ST6GALNAC5: variants seen among roughly 807,000 people sequenced by gnomAD.
ST6GALNAC5 encodes the protein ST6 N-acetylgalactosaminide alpha-2,6-sialyltransferase 5.
A neutral mutation model predicts 33.6 loss-of-function variants in ST6GALNAC5; 27 were observed. That is an observed-to-expected ratio of 0.80 (90% CI 0.59 to 1.11). The LOEUF is 1.11. Among genes scored for constraint, ST6GALNAC5 ranks in the 50% least tolerant of loss-of-function variants. The probability of loss-of-function intolerance (pLI) is 0.00; values close to 1 mark genes in which losing one functional copy is unlikely to be tolerated. For synonymous variants in ST6GALNAC5, 194 were observed against 171.2 expected, an observed-to-expected ratio of 1.13 and a Z score of -1.04; for missense variants, 428 against 454.0, an observed-to-expected ratio of 0.94 and a Z score of 0.52.
chr1:76,966,451 A>G (rs1407415219), intron 2 of ST6GALNAC5, among the ~76,000 whole-genome samples: 2 of 152,224 alleles, frequency 1.3e-5, no homozygotes, highest in African/African-American at 2.4e-5. Context: ...TTGATTTTGT[A>G]TCTTGAGACT....
intron 2 of ST6GALNAC5, among the ~76,000 whole-genome samples, chr1:76,918,170 T>C (rs1386953219): frequency 2.0e-5 from 3 of 151,996 alleles, no homozygotes; most frequent in African/African-American, 4.8e-5. Context: ...GAAAATAGAG[T>C]TGGAGAAGAG....
At position 77,063,092 on chromosome 1, in the gene ST6GALNAC5, A is replaced by G; in HGVS notation, c.897A>G (p.Thr299=). ...AGGGCAGTCATCACCGCTTTATCAC[A>G]GAGAAACGAGTCTTTAAGAACTGGG... is the stretch of plus-strand genomic sequence containing the variant. ...GRKGSHHRFI[T]EKRVFKNWAR... Residue 299 remains threonine, a synonymous_variant, in exon 5 of 5, where the codon ACA becomes ACG. Coordinates refer to ENST00000477717, the MANE Select transcript of ST6GALNAC5 (RefSeq NM_030965.3). 1 of 1,613,958 alleles carries G rather than the reference A, an allele frequency of 6.2e-7. No homozygotes were observed. Among genetic ancestry groups the G allele is most frequent in the East Asian group, 2.2e-5 (1 of 44,874 alleles).
chr1:77,009,135 G>A (rs1365723427), intron 2 of ST6GALNAC5, among the ~76,000 whole-genome samples: 1 of 152,164 alleles, frequency 6.6e-6, no homozygotes, highest in Non-Finnish European at 1.5e-5. Context: ...TCACACACTA[G>A]CACCTTACCT....
rs546360140 is a variant in ST6GALNAC5 at position 77,044,512 on chromosome 1, T to G, written c.570T>G (p.His190Gln). Residue 190 changes from histidine to glutamine, a missense_variant, in exon 3 of 5, where the codon CAT becomes CAG. His to Gln is a conservative substitution (Grantham distance 24). Transcript: ENST00000477717. The stretch of plus-strand genomic sequence containing the variant: ...AGGGCCAGGTCTACAACAACCTGCA[T>G]CTCCTGAGCCAGGTGCTGCCCCGGC... The part of the protein sequence containing the change: ...DGKGQVYNNL[H>Q]LLSQVLPRLK... 1 of 1,612,482 alleles carries G rather than the reference T, an allele frequency of 6.2e-7. No individual in the cohort carries two copies. The highest frequency in any genetic ancestry group is 1.1e-5 in the South Asian group (1 of 90,906).
At chr1:76,920,159 G>A (rs906342918) in intron 2 of ST6GALNAC5, among the ~76,000 whole-genome samples, 2 of 152,090 alleles carry the variant, frequency 1.3e-5, no homozygotes, top group Non-Finnish European at 2.9e-5. Flanking sequence ...GTCCAGGGAA[G>A]GAAAGTGAAG....
intron 2 of ST6GALNAC5, among the ~76,000 whole-genome samples, chr1:76,899,282 G>T (rs1646790524): frequency 6.6e-6 from 1 of 151,846 alleles, no homozygotes. Context: ...AGTGAAGGAG[G>T]CAAGCCCAGA....
intron 2 of ST6GALNAC5, among the ~76,000 whole-genome samples, chr1:77,033,910 C>T (rs1443093632): frequency 6.6e-6 from 1 of 152,068 alleles, no homozygotes; most frequent in African/African-American, 2.4e-5. Context: ...GTGGTGTGAG[C>T]TATGCTTTGA....
intron 2 of ST6GALNAC5, among the ~76,000 whole-genome samples, chr1:76,998,264 G>C (rs959992956): frequency 6.6e-6 from 1 of 152,036 alleles, no homozygotes; most frequent in Non-Finnish European, 1.5e-5. Flanking sequence ...AGACATGATG[G>C]CATGCTCCTG....
intron 2 of ST6GALNAC5, among the ~76,000 whole-genome samples, chr1:76,907,824 C>T (rs17099702): frequency 0.013 from 2,042 of 152,222 alleles, 46 homozygotes; most frequent in African/African-American, 0.046. Context: ...ACATCCTTAG[C>T]TCACTTTGGT....
intron 2 of ST6GALNAC5, among the ~76,000 whole-genome samples, chr1:76,883,551 G>A (rs762997692): frequency 1.8e-4 from 27 of 152,262 alleles, no homozygotes; most frequent in Non-Finnish European, 3.4e-4. Context: ...TTTAATTTCT[G>A]TTTCCCCTTT....
chr1:77,015,102 G>A (rs187498263), intron 2 of ST6GALNAC5, among the ~76,000 whole-genome samples: 16 of 149,140 alleles, frequency 1.1e-4, no homozygotes, highest in Non-Finnish European at 1.8e-4. Flanking sequence ...GCTTTATTAT[G>A]AGAAGTTGGC....
chr1:76,966,408 T>C (rs1035198848), intron 2 of ST6GALNAC5, among the ~76,000 whole-genome samples: 15 of 152,138 alleles, frequency 9.9e-5, no homozygotes, highest in African/African-American at 2.9e-4. Context: ...CTGTCTGTTA[T>C]TGGTATTTAG....
intron 4 of ST6GALNAC5, among the ~76,000 whole-genome samples, chr1:77,061,759 A>G (rs1652581859): frequency 6.6e-6 from 1 of 152,180 alleles, no homozygotes; most frequent in Non-Finnish European, 1.5e-5. Flanking sequence ...GTAAATATTT[A>G]TTAACCCTCA....
rs1406041912 is a variant in ST6GALNAC5, at chr1:77,064,143, A to G, written c.*937A>G. Reference sequence around the variant, plus strand: ...GTTTCCTTTTTGGCAGAATGATGTCACTGTACCAGACAACCTCTTAGGTTT... The same window carrying G: ...GTTTCCTTTTTGGCAGAATGATGTCGCTGTACCAGACAACCTCTTAGGTTT... On this transcript the variant is annotated 3_prime_UTR_variant, in exon 5 of 5. Transcript: ENST00000477717. 6.6e-6 allele frequency: 1 copy of G among 152,170 alleles called. No homozygotes were observed. Among genetic ancestry groups the G allele is most frequent in the Non-Finnish European group, 1.5e-5 (1 of 68,036 alleles). 9.4% of individuals were successfully genotyped at this position (152,170 alleles called of 1,614,324 possible). A position where few individuals can be genotyped will look rare whatever the true frequency, so the allele number is the denominator to read the frequency against.
chr1:77,044,331 G>A lies in ST6GALNAC5; in HGVS notation c.389G>A (p.Gly130Asp), dbSNP rs200892928. 6 of 1,613,986 alleles carry A rather than the reference G, an allele frequency of 3.7e-6. No individual in the cohort carries two copies. Among genetic ancestry groups the A allele is most frequent in the Non-Finnish European group, 5.1e-6 (6 of 1,180,034 alleles). ...VIRMNDAPTRGYGRDVGNRTS... is the reference protein window; with the variant it reads ...VIRMNDAPTRDYGRDVGNRTS... ...CGCATGAATGACGCCCCCACACGCG[G>A]CTATGGGCGTGACGTGGGCAATCGC... The change falls in exon 3 of 5, where the codon GGC becomes GAC. Residue 130 changes from glycine (G) to aspartate (D), a missense_variant. By Grantham distance (94) the Gly-to-Asp change is moderately conservative. Transcript: ENST00000477717.
intron 2 of ST6GALNAC5, among the ~76,000 whole-genome samples, chr1:76,887,874 A>T (rs1281294656): frequency 6.6e-6 from 1 of 151,666 alleles, no homozygotes; most frequent in Non-Finnish European, 1.5e-5. Flanking sequence ...TCCTCCTAAG[A>T]TTTTTTTTCA....
intron 2 of ST6GALNAC5, among the ~76,000 whole-genome samples, chr1:76,982,094 G>A (rs1397509165): frequency 1.3e-5 from 2 of 152,164 alleles, no homozygotes; most frequent in Non-Finnish European, 2.9e-5. Flanking sequence ...GAAAATCAGA[G>A]CACCTCTTCT....
chr1:76,877,446 A>G (rs1003915518), intron 2 of ST6GALNAC5, among the ~76,000 whole-genome samples: 2 of 152,166 alleles, frequency 1.3e-5, no homozygotes, highest in Admixed American at 6.5e-5. Flanking sequence ...CAAATGAGGA[A>G]TGTGTTGCCT....
intron 2 of ST6GALNAC5, among the ~76,000 whole-genome samples, chr1:76,925,079 C>T (rs563439049): frequency 6.6e-5 from 10 of 152,110 alleles, no homozygotes; most frequent in East Asian, 5.8e-4. Context: ...GGGCATCACA[C>T]GGCAAGAGCA....
Sources: allele counts gnomAD v4.1 joint callset (sites outside exome capture counted in the v4.1 genomes callset), GRCh38; gene constraint gnomAD v4.1.1; transcripts MANE v1.5; gene names NCBI Gene and HGNC (gene_info 2026-07-23, HGNC 2026-07-21).